Variants in NCAM1 observed in about 807,000 individuals in gnomAD.
NCAM1 encodes the protein antigen recognized by monoclonal antibody 5.1H11.
A neutral mutation model predicts 109.8 loss-of-function variants in NCAM1; 14 were observed. The observed-to-expected ratio is 0.13, with a 90% CI of 0.08 to 0.20. The LOEUF is 0.20. NCAM1 is among the 10% of genes least tolerant of loss of function. NCAM1 has a pLI of 1.00. For missense variants in NCAM1, 774 were observed against 1,109.9 expected (o/e 0.70, Z 4.30); for synonymous variants, 418 against 442.9 (o/e 0.94, Z 0.70).
intron 17 of NCAM1, chr11:113,263,089 A>C: frequency 7.3e-7 from 1 of 1,362,736 alleles, no homozygotes; most frequent in Non-Finnish European, 9.5e-7. Flanking sequence ...TTACCTCCAG[A>C]CATGTCACCA....
At chr11:112,973,685 G>C (rs1450027342) in intron 1 of NCAM1, among the ~76,000 whole-genome samples, 1 of 152,112 alleles carries the variant, frequency 6.6e-6, no homozygotes, top group African/African-American at 2.4e-5. Context: ...TTATACAACT[G>C]TCTGGCACAT....
chr11:112,981,317 A>C (rs1160454699), intron 1 of NCAM1, among the ~76,000 whole-genome samples: 2 of 151,980 alleles, frequency 1.3e-5, no homozygotes, highest in East Asian at 3.9e-4. Flanking sequence ...AGCGGTACAC[A>C]ATAGATACGG....
intron 16 of NCAM1, among the ~76,000 whole-genome samples, chr11:113,259,050 ATTT>A (rs558552786): frequency 2.2e-5 from 3 of 134,040 alleles, no homozygotes; most frequent in Admixed American, 7.6e-5. Context: ...AATAGTTTTC[ATTT>A]TTTTTTTTTT....
intron 9 of NCAM1, among the ~76,000 whole-genome samples, chr11:113,224,943 C>G (rs1944797675): frequency 6.6e-6 from 1 of 152,198 alleles, no homozygotes; most frequent in Non-Finnish European, 1.5e-5. Context: ...ATGTCACCAT[C>G]ATCAAAGACC....
intron 8 of NCAM1, among the ~76,000 whole-genome samples, chr11:113,216,448 G>A (rs75637745): frequency 0.032 from 4,798 of 152,142 alleles, 155 homozygotes; most frequent in East Asian, 0.075. Flanking sequence ...CACCGCGCCC[G>A]GCCGATTTCA....
intron 19 of NCAM1, among the ~76,000 whole-genome samples, chr11:113,272,490 G>T (rs549581979): frequency 1.2e-4 from 19 of 152,042 alleles, no homozygotes; most frequent in Non-Finnish European, 2.9e-5. Context: ...TTTTCCCATC[G>T]GTGCCCTGGG....
intron 16 of NCAM1, among the ~76,000 whole-genome samples, chr11:113,259,808 A>G (rs1342278304): frequency 2.1e-5 from 3 of 146,214 alleles, no homozygotes; most frequent in African/African-American, 7.7e-5. Context: ...GGTTCAAGCC[A>G]TTCTCTTGCC....
chr11:113,087,206 G>T (rs940299519), intron 1 of NCAM1, among the ~76,000 whole-genome samples: 1 of 152,160 alleles, frequency 6.6e-6, no homozygotes, highest in Non-Finnish European at 1.5e-5. Context: ...GAATCACAGA[G>T]AATCATTTTT....
chr11:113,228,110 G>C (rs1209498221), intron 9 of NCAM1, among the ~76,000 whole-genome samples: 1 of 152,150 alleles, frequency 6.6e-6, no homozygotes, highest in Non-Finnish European at 1.5e-5. Context: ...AGGAAATAAA[G>C]GTTATTCAAG....
chr11:113,275,538 TAAAA>T lies in NCAM1; in HGVS notation c.*156_*159del. Reference sequence around the variant, plus strand: ...TCATTTCTCTAGTGTCTTTTGCCTTTAAAAAAAACTAAACAGATAAAACATGGGA... The same window carrying T: ...TCATTTCTCTAGTGTCTTTTGCCTTTAAAACTAAACAGATAAAACATGGGA... On this transcript the variant is annotated 3_prime_UTR_variant, in exon 20 of 20. Transcript: ENST00000316851. 1.0e-6 allele frequency: 1 copy of T among 956,256 alleles called. No individual in the cohort carries two copies. Among genetic ancestry groups the T allele is most frequent in the Non-Finnish European group, 1.5e-6 (1 of 678,502 alleles). 59.2% of individuals were successfully genotyped at this position (956,256 alleles called of 1,614,324 possible). A position where few individuals can be genotyped will look rare whatever the true frequency, so the allele number is the denominator to read the frequency against.
chr11:113,232,086 C>A lies in NCAM1; in HGVS notation c.1241-84C>A, dbSNP rs543368730. ...GGCGCTGGCTCTGCTTTGGAGCACACCTGCCTTCCCAGTGCCAGGAGACAG... is the reference window on the plus strand; with the variant it reads ...GGCGCTGGCTCTGCTTTGGAGCACAACTGCCTTCCCAGTGCCAGGAGACAG... On this transcript the variant is annotated intron_variant, in intron 10 of 19. Transcript: ENST00000316851. The A allele has an allele frequency of 3.0e-6, 4 of 1,350,026 alleles. No homozygotes were observed. In the South Asian group the frequency reaches 5.9e-5, roughly 20 times the overall value. The allele number at this position is 1,350,026 out of a possible 1,614,324, so 83.6% of individuals were successfully genotyped here.
intron 1 of NCAM1, among the ~76,000 whole-genome samples, chr11:113,172,101 A>G (rs1943013165): frequency 6.6e-6 from 1 of 152,152 alleles, no homozygotes; most frequent in African/African-American, 2.4e-5. Flanking sequence ...TGGATTTCTA[A>G]CCTTCAGAGC....
At chr11:113,253,063 T>C (rs1288475852) in intron 15 of NCAM1, among the ~76,000 whole-genome samples, 2 of 151,942 alleles carry the variant, frequency 1.3e-5, no homozygotes, top group East Asian at 3.8e-4. Flanking sequence ...GTTCTAACTA[T>C]GTCAAATGTG....
At chr11:113,103,495 A>C (rs1294416154) in intron 1 of NCAM1, among the ~76,000 whole-genome samples, 1 of 152,210 alleles carries the variant, frequency 6.6e-6, no homozygotes, top group African/African-American at 2.4e-5. Flanking sequence ...CTCTCAACCC[A>C]GTCAACTCTG....
intron 1 of NCAM1, among the ~76,000 whole-genome samples, chr11:113,061,674 G>A (rs578031808): frequency 6.6e-6 from 1 of 152,148 alleles, no homozygotes; most frequent in African/African-American, 2.4e-5. Flanking sequence ...CCTGTCCCCC[G>A]TATGTGTAAA....
chr11:113,269,740 C>T, intron 17 of NCAM1: 1 of 217,424 alleles, frequency 4.6e-6, no homozygotes, highest in Non-Finnish European at 9.2e-6. Context: ...AGGAACCCTC[C>T]ACCACCCCAT....
rs181669390 is a variant in NCAM1, at chr11:113,276,292, T to C, written c.*905T>C. On this transcript the variant is annotated 3_prime_UTR_variant, in exon 20 of 20. Transcript: ENST00000316851. The stretch of plus-strand genomic sequence containing the variant: ...CAGCTGCTCTTCCCCTCTTTTCTGA[T>C]CTGCAGTTTTTGCCTGGGTCCCACT... 6.6e-6 allele frequency: 1 copy of C among 152,626 alleles called. No individual in the cohort carries two copies. The highest frequency in any genetic ancestry group is 1.5e-5 in the Non-Finnish European group (1 of 68,046). 9.5% of individuals were successfully genotyped at this position (152,626 alleles called of 1,614,324 possible). A position where few individuals can be genotyped will look rare whatever the true frequency, so the allele number is the denominator to read the frequency against.
chr11:113,092,568 C>T (rs552245762), intron 1 of NCAM1, among the ~76,000 whole-genome samples: 1 of 152,230 alleles, frequency 6.6e-6, no homozygotes, highest in East Asian at 1.9e-4. Flanking sequence ...AGAACTGAGC[C>T]AGTTCTTGAT....
At chr11:112,989,422 T>C (rs1224498771) in intron 1 of NCAM1, among the ~76,000 whole-genome samples, 2 of 152,220 alleles carry the variant, frequency 1.3e-5, no homozygotes, top group Non-Finnish European at 2.9e-5. Context: ...TTTTCAGGTC[T>C]GTTGTATTCT....
Sources: gnomAD v4.1 joint callset for allele counts (sites outside exome capture counted in the v4.1 genomes callset) on GRCh38, gnomAD v4.1.1 for gene constraint, MANE v1.5 for transcripts, NCBI Gene and HGNC (gene_info 2026-07-23, HGNC 2026-07-21) for gene names.